RAB43: variants seen among roughly 807,000 people sequenced by gnomAD.
The protein encoded by RAB43 is RAB43, member RAS oncogene family, also known as ras-related protein Rab-43.
Under a neutral mutation model 18.8 loss-of-function variants are expected in RAB43, and 6 were observed. That is an observed-to-expected ratio of 0.32 (90% CI 0.17 to 0.63). The LOEUF (loss-of-function observed/expected upper bound fraction) is 0.63. Ranked by LOEUF, RAB43 falls within the 30% of genes least tolerant of loss-of-function variation. The probability of loss-of-function intolerance (pLI) is 0.79; values close to 1 mark genes in which losing one functional copy is unlikely to be tolerated. For missense variants in RAB43, 195 were observed against 289.1 expected, an observed-to-expected ratio of 0.67 and a Z score of 2.36; for synonymous variants, 103 against 124.1, an observed-to-expected ratio of 0.83 and a Z score of 1.13.
Position 129,095,099 on chromosome 3 carries a change from T to C in RAB43, c.275A>G (p.Asn92Ser), listed in dbSNP as rs369366923. ...GATGTCGTAGGCAAGGATGGCCCCA[T>C]TGGCACTGCGGTAGTAGCTCTGGGT... ...TITQSYYRSA[N>S]GAILAYDITK... The change falls in exon 2 of 3, where the codon AAT becomes AGT. Residue 92 changes from asparagine to serine, a missense_variant. Coordinates refer to ENST00000315150, the MANE Select transcript of RAB43 (RefSeq NM_198490.3). This position sits in a 1 kb window ranked among gnomAD's most constrained non-coding sequence, Gnocchi z 4.2. 8.6e-5 allele frequency: 139 copies of C among 1,614,000 alleles called. No homozygotes were observed. Among genetic ancestry groups the C allele is most frequent in the Non-Finnish European group, 1.1e-4 (135 of 1,179,936 alleles).
intron 1 of RAB43, among the ~76,000 whole-genome samples, chr3:129,105,164 C>A (rs754994205): frequency 6.6e-6 from 1 of 152,190 alleles, no homozygotes; most frequent in South Asian, 2.1e-4. Context: ...AACAAACCAG[C>A]CAACCACCCT....
intron 1 of RAB43, among the ~76,000 whole-genome samples, chr3:129,114,611 G>A (rs1166493941): frequency 6.6e-6 from 1 of 152,092 alleles, no homozygotes; most frequent in Non-Finnish European, 1.5e-5. Context: ...CAGGAAAACC[G>A]CCTAGCATGA....
chr3:129,120,716 A>C (rs1430283814), intron 1 of RAB43, among the ~76,000 whole-genome samples: 1 of 152,206 alleles, frequency 6.6e-6, no homozygotes, highest in African/African-American at 2.4e-5. Flanking sequence ...AGTCGAGTAA[A>C]GTTCCACCAC....
intron 1 of RAB43, among the ~76,000 whole-genome samples, chr3:129,109,624 C>T (rs1037700269): frequency 1.7e-4 from 26 of 150,946 alleles, no homozygotes; most frequent in African/African-American, 5.8e-4. Context: ...GCCTGTAATC[C>T]CAGCTCCTTG....
chr3:129,114,944 ACTAGGCTG>A (rs1450327906), intron 1 of RAB43, among the ~76,000 whole-genome samples: 5 of 152,148 alleles, frequency 3.3e-5, no homozygotes, highest in Admixed American at 1.3e-4. Flanking sequence ...CAGCTGGGCA[ACTAGGCTG>A]AGAAACCAAG....
In RAB43 at chr3:129,095,198, C is replaced by T; in HGVS notation, c.205-29G>A. On this transcript the variant is annotated intron_variant, in intron 1 of 2. Transcript: ENST00000315150. This position sits in a 1 kb window ranked among gnomAD's most constrained non-coding sequence, Gnocchi z 4.2. Reference sequence around the variant, plus strand: ...AAGAAATAAGGTTCCTCAGTGAACCCAGTGGCACAGGCTGAACATGGGGAC... The same window carrying T: ...AAGAAATAAGGTTCCTCAGTGAACCTAGTGGCACAGGCTGAACATGGGGAC... The T allele has an allele frequency of 1.2e-6, 2 of 1,603,804 alleles. No homozygotes were observed. Among genetic ancestry groups the T allele is most frequent in the Non-Finnish European group, 1.7e-6 (2 of 1,174,150 alleles).
intron 1 of RAB43, among the ~76,000 whole-genome samples, chr3:129,118,505 T>C (rs1935695705): frequency 1.3e-5 from 2 of 152,122 alleles, no homozygotes; most frequent in Non-Finnish European, 1.5e-5. Flanking sequence ...CTTTTCTCCT[T>C]ACCTTTCAGT....
At chr3:129,094,624 C>T (rs1022846903) in intron 2 of RAB43, among the ~76,000 whole-genome samples, 73 of 137,694 alleles carry the variant, frequency 5.3e-4, no homozygotes, top group Admixed American at 4.2e-4. Context: ...ATGCCATTCT[C>T]CTGCCTCAGC....
chr3:129,106,715 T>C (rs1006876423), intron 1 of RAB43, among the ~76,000 whole-genome samples: 1 of 151,804 alleles, frequency 6.6e-6, no homozygotes, highest in African/African-American at 2.4e-5. Context: ...GGGCACAAAT[T>C]CTCCTCTGCA....
intron 1 of RAB43, among the ~76,000 whole-genome samples, chr3:129,116,479 G>T (rs1935534517): frequency 6.6e-6 from 1 of 152,196 alleles, no homozygotes; most frequent in Non-Finnish European, 1.5e-5. Context: ...TATCCAAATA[G>T]GAAAAGAACA....
chr3:129,111,799 G>A (rs561690339), intron 1 of RAB43, among the ~76,000 whole-genome samples: 161 of 152,098 alleles, frequency 1.1e-3, no homozygotes, highest in African/African-American at 3.7e-3. Flanking sequence ...ATATAAACAT[G>A]AGAGTCCTAT....
chr3:129,120,385 G>A (rs369693831), intron 1 of RAB43, among the ~76,000 whole-genome samples: 3 of 152,138 alleles, frequency 2.0e-5, no homozygotes, highest in African/African-American at 7.2e-5. Context: ...GTGCCCTGAG[G>A]GTGTCCTGAA....
At chr3:129,119,038 T>G (rs549643611) in intron 1 of RAB43, among the ~76,000 whole-genome samples, 2 of 152,360 alleles carry the variant, frequency 1.3e-5, no homozygotes, top group East Asian at 3.9e-4. Flanking sequence ...AAATTCTCCA[T>G]CTTGATAGTG....
chr3:129,119,462 C>A (rs1273566108), intron 1 of RAB43, among the ~76,000 whole-genome samples: 3 of 152,150 alleles, frequency 2.0e-5, no homozygotes, highest in African/African-American at 4.8e-5. Flanking sequence ...ATATTCCCAC[C>A]TCTATCACTT....
chr3:129,110,304 T>TA (rs1935074287), intron 1 of RAB43, among the ~76,000 whole-genome samples: 1 of 151,636 alleles, frequency 6.6e-6, no homozygotes, highest in African/African-American at 2.4e-5. Context: ...AGCCAAGAGG[T>TA]AGCTGGATAA....
At chr3:129,109,494 T>C (rs1028229251) in intron 1 of RAB43, among the ~76,000 whole-genome samples, 19 of 151,416 alleles carry the variant, frequency 1.3e-4, no homozygotes, top group Admixed American at 6.6e-4. Context: ...CCCAACACTT[T>C]GGGAGGCTGA....
chr3:129,092,436 A>C, intron 2 of RAB43: 2 of 659,480 alleles, frequency 3.0e-6, no homozygotes, highest in Non-Finnish European at 5.5e-6. Context: ...TAATTGCTGA[A>C]GCAGGGTAAT....
intron 1 of RAB43, among the ~76,000 whole-genome samples, chr3:129,106,560 C>T (rs374735639): frequency 1.4e-4 from 22 of 152,310 alleles, no homozygotes; most frequent in African/African-American, 5.1e-4. Flanking sequence ...AGCATATTAA[C>T]CAGCTAAGGA....
chr3:129,113,851 AC>A (rs1409395463), intron 1 of RAB43, among the ~76,000 whole-genome samples: 1 of 151,856 alleles, frequency 6.6e-6, no homozygotes, highest in East Asian at 1.9e-4. Context: ...ACATGGTGAC[AC>A]CCCGTCTCTA....
Sources: gnomAD v4.1 joint callset for allele counts (sites outside exome capture counted in the v4.1 genomes callset) on GRCh38, gnomAD v4.1.1 for gene constraint, Gnocchi (gnomAD v3.1) non-coding constraint, MANE v1.5 for transcripts, NCBI Gene and HGNC (gene_info 2026-07-23, HGNC 2026-07-21) for gene names.